The following CEP63 variants were observed in gnomAD, a reference collection of about 807,000 sequenced individuals.
CEP63 encodes centrosomal protein 63.
CEP63 carries 84 observed loss-of-function variants against 89.1 expected under a neutral mutation model. The ratio of observed to expected loss-of-function variants is 0.94; its 90% CI spans 0.79 to 1.13. CEP63 has a LOEUF of 1.13. Ranked by LOEUF, CEP63 falls within the 50% of genes most tolerant of loss-of-function variation. The pLI is 0.00. For synonymous variants in CEP63, 267 were observed against 272.5 expected (o/e 0.98, Z 0.20); for missense variants, 838 against 813.3 (o/e 1.03, Z -0.37).
chr3:134,587,959 C>G (rs1304927490), downstream of CEP63, among the ~76,000 whole-genome samples: 2 of 152,044 alleles, frequency 1.3e-5, no homozygotes, highest in Non-Finnish European at 2.9e-5. Context: ...GAAGAAGATT[C>G]CACCCCAAAA....
At chr3:134,493,174 G>C (rs1261705872) in intron 1 of CEP63, among the ~76,000 whole-genome samples, 1 of 152,140 alleles carries the variant, frequency 6.6e-6, no homozygotes, top group East Asian at 1.9e-4. Flanking sequence ...TTAAGTATCC[G>C]TGTATGGTTG....
intron 10 of CEP63, among the ~76,000 whole-genome samples, chr3:134,582,718 G>A (rs1369326401): frequency 6.6e-6 from 1 of 152,094 alleles, no homozygotes; most frequent in African/African-American, 2.4e-5. Flanking sequence ...TGGGTCAAAT[G>A]GTATTTCTAG....
chr3:134,583,217 C>A (rs1313917791), intron 10 of CEP63, among the ~76,000 whole-genome samples: 1 of 152,124 alleles, frequency 6.6e-6, no homozygotes, highest in African/African-American at 2.4e-5. Context: ...GCTTTTGTTG[C>A]CATTGTTTTT....
the CEP63 span, among the ~76,000 whole-genome samples, chr3:134,737,108 A>T: frequency 6.6e-6 from 1 of 152,240 alleles, no homozygotes; most frequent in African/African-American, 2.4e-5. Context: ...TTATAGGGAT[A>T]TAAAGTGAAA....
the CEP63 span, among the ~76,000 whole-genome samples, chr3:134,744,122 T>C: frequency 6.6e-6 from 1 of 152,186 alleles, no homozygotes; most frequent in Non-Finnish European, 1.5e-5. Flanking sequence ...TAGAGCCCTA[T>C]CCATAATTGA....
intron 2 of CEP63, among the ~76,000 whole-genome samples, chr3:134,501,536 G>T (rs1941991688): frequency 6.6e-6 from 1 of 150,830 alleles, no homozygotes; most frequent in Non-Finnish European, 1.5e-5. Context: ...TTTTTGTAGA[G>T]GTTTTTCACC....
At chr3:134,521,839 A>G (rs935209167) in intron 3 of CEP63, among the ~76,000 whole-genome samples, 1 of 151,850 alleles carries the variant, frequency 6.6e-6, no homozygotes, top group African/African-American at 2.4e-5. Context: ...TGGGAGGGGG[A>G]TGTTGAATTC....
the CEP63 span, among the ~76,000 whole-genome samples, chr3:134,661,909 C>T: frequency 6.6e-6 from 1 of 152,036 alleles, no homozygotes; most frequent in East Asian, 1.9e-4. Context: ...CTGGATCCCT[C>T]ACAGATAGAA....
At chr3:134,708,305 A>G in the CEP63 span, among the ~76,000 whole-genome samples, 1 of 152,370 alleles carries the variant, frequency 6.6e-6, no homozygotes, top group East Asian at 1.9e-4. Flanking sequence ...GATTTTCAAC[A>G]ACAATAATGC....
intron 14 of CEP63, 139 bp downstream of exon 14, chr3:134,559,568 C>T (rs1283005465): frequency 1.4e-6 from 1 of 738,968 alleles, no homozygotes; most frequent in Non-Finnish European, 2.2e-6. Context: ...CTTAGGTATC[C>T]CTGTCATACA....
the CEP63 span, chr3:134,603,871 C>T: frequency 2.5e-6 from 4 of 1,613,904 alleles, no homozygotes; most frequent in East Asian, 6.7e-5. Context: ...GAACATGGGC[C>T]AGTTCACCTT....
At chr3:134,772,094 G>A in the CEP63 span, among the ~76,000 whole-genome samples, 1 of 152,324 alleles carries the variant, frequency 6.6e-6, no homozygotes, top group South Asian at 2.1e-4. Context: ...CCCAGAGTGG[G>A]TGGGATTAAA....
At chr3:134,674,990 A>G in the CEP63 span, among the ~76,000 whole-genome samples, 1 of 152,232 alleles carries the variant, frequency 6.6e-6, no homozygotes, top group Non-Finnish European at 1.5e-5. Flanking sequence ...CAGATTCAAC[A>G]CAATCCCAAT....
the CEP63 span, among the ~76,000 whole-genome samples, chr3:134,698,110 C>A: frequency 6.6e-6 from 1 of 152,222 alleles, no homozygotes; most frequent in African/African-American, 2.4e-5. Flanking sequence ...CCTGACACCC[C>A]ACGGCACAGC....
At chr3:134,575,952 G>A (rs527938582), downstream of CEP63, among the ~76,000 whole-genome samples, 70 of 152,244 alleles carry the variant, frequency 4.6e-4, no homozygotes, top group Middle Eastern at 3.4e-3. Flanking sequence ...TGTATTAGAA[G>A]TTTCATATAA....
At chr3:134,749,453 A>G in the CEP63 span, among the ~76,000 whole-genome samples, 1 of 152,076 alleles carries the variant, frequency 6.6e-6, no homozygotes, top group Non-Finnish European at 1.5e-5. Context: ...GAGCCAAAAG[A>G]GCCTGAACCA....
chr3:134,629,012 G>T, the CEP63 span, among the ~76,000 whole-genome samples: 6 of 152,194 alleles, frequency 3.9e-5, no homozygotes. Flanking sequence ...TCTTCCTGAG[G>T]TCCCTGTTTA....
chr3:134,762,390 T>C, the CEP63 span, among the ~76,000 whole-genome samples: 3 of 152,148 alleles, frequency 2.0e-5, no homozygotes, highest in African/African-American at 7.2e-5. Flanking sequence ...CAAAAGTGCA[T>C]GTGAGTGGGG....
chr3:134,520,207 A>G (rs1362496127), intron 3 of CEP63, among the ~76,000 whole-genome samples: 5 of 152,332 alleles, frequency 3.3e-5, no homozygotes, highest in Non-Finnish European at 7.4e-5. Flanking sequence ...TGTAGACAGA[A>G]TTAACAAATG....
Sources: allele counts gnomAD v4.1 joint callset (sites outside exome capture counted in the v4.1 genomes callset), GRCh38; gene constraint gnomAD v4.1.1; transcripts MANE v1.5; gene names NCBI Gene and HGNC (gene_info 2026-07-23, HGNC 2026-07-21).